GALT: variants seen among roughly 807,000 people sequenced by gnomAD.
GALT encodes galactose-1-phosphate uridylyltransferase.
Under a neutral mutation model 55.4 loss-of-function variants are expected in GALT, and 42 were observed. That is an observed-to-expected ratio of 0.76 (90% confidence interval 0.59 to 0.98). The LOEUF is 0.98. Among genes scored for constraint, GALT ranks in the 50% least tolerant of loss-of-function variants. GALT has a pLI of 0.00. For missense variants in GALT, 407 were observed against 495.7 expected (o/e 0.82, Z 1.70); for synonymous variants, 154 against 181.5 (o/e 0.85, Z 1.22).
chr9:34,649,686 A>G, intron 10 of GALT, 122 bp downstream of exon 10: 1 of 1,204,782 alleles, frequency 8.3e-7, no homozygotes, highest in South Asian at 1.3e-5. Flanking sequence ...TCTGGCAGGA[A>G]GGGACTGCCA....
In GALT at chr9:34,649,059, T is replaced by G; in HGVS notation, c.882T>G (p.Phe294Leu). The change falls in exon 9 of 11, where the codon TTT (phenylalanine) becomes TTG (leucine). Residue 294 changes from phenylalanine to leucine, a missense_variant. Coordinates refer to ENST00000378842, the MANE Select transcript of GALT (RefSeq NM_000155.4). ...TKYDNLFETS[F>L]PYSMGWHGAP... ...ATGACAACCTCTTTGAGACGTCCTT[T>G]CCCTACTCCATGGGCTGGCATGGTG... 5 of 1,614,150 alleles carry G rather than the reference T, an allele frequency of 3.1e-6. No homozygotes were observed. The highest frequency in any genetic ancestry group is 4.2e-6 in the Non-Finnish European group (5 of 1,179,998).
At chr9:34,649,163 A>G in intron 9 of GALT, 82 bp downstream of exon 9, 5 of 1,415,520 alleles carry the variant, frequency 3.5e-6, no homozygotes, top group Non-Finnish European at 4.0e-6. Context: ...TGCAACCTCA[A>G]AGGAGCAAGC....
In GALT at chr9:34,650,440, C is replaced by T. The variant is rs1821229735; in HGVS notation, c.1131C>T (p.Thr377=). The change falls in exon 11 of 11, where the codon ACC becomes ACT. Residue 377 remains threonine, a synonymous_variant. Coordinates refer to ENST00000378842, the MANE Select transcript of GALT (RefSeq NM_000155.4). ...HLGQKDRETA[T]IA is the part of the protein sequence containing the mutation. ...GGCAGAAGGACAGGGAGACAGCAAC[C>T]ATCGCCTGACCACGCCGACCACAGG... is the stretch of plus-strand genomic sequence containing the variant. 1.2e-6 allele frequency: 2 copies of T among 1,614,106 alleles called. No homozygotes were observed. The highest frequency in any genetic ancestry group is 8.5e-7 in the Non-Finnish European group (1 of 1,180,000).
In GALT at chr9:34,648,415, C is replaced by A; in HGVS notation, c.646C>A (p.Pro216Thr). 2 of 1,614,146 alleles carry A rather than the reference C, an allele frequency of 1.2e-6. No homozygotes were observed. Among genetic ancestry groups the A allele is most frequent in the South Asian group, 1.1e-5 (1 of 91,086 alleles). Reference sequence around the variant, plus strand: ...GGCCTATAAGAGTCAGCATGGAGAGCCCCTGCTAATGGAGTACAGCCGCCA... The same window carrying A: ...GGCCTATAAGAGTCAGCATGGAGAGACCCTGCTAATGGAGTACAGCCGCCA... ...QQAYKSQHGE[P>T]LLMEYSRQEL... Residue 216 changes from proline to threonine, a missense_variant, in exon 7 of 11, where the codon CCC becomes ACC. By Grantham distance (38) the Pro-to-Thr change is conservative. Coordinates refer to ENST00000378842, the MANE Select transcript of GALT (RefSeq NM_000155.4). The surrounding 1 kb of genome is among the most constrained non-coding windows in gnomAD (Gnocchi z 4.9).
chr9:34,648,115 A>C lies in GALT; in HGVS notation c.508A>C (p.Ile170Leu). ...AGAGCTCCGTATCCCTATCTGATAG[A>C]TCTTTGAAAACAAAGGTGCCATGAT... ...ELGAQYPWVQ[I>L]FENKGAMMGC... The change falls in exon 6 of 11, where the codon ATC (isoleucine) becomes CTC (leucine). Residue 170 changes from isoleucine to leucine, a missense_variant and splice_region_variant. Ile to Leu is a conservative substitution (Grantham distance 5, BLOSUM62 2). Coordinates refer to ENST00000378842, the MANE Select transcript of GALT (RefSeq NM_000155.4). The surrounding 1 kb of genome is among the most constrained non-coding windows in gnomAD (Gnocchi z 4.9). 2 of 1,614,170 alleles carry C rather than the reference A, an allele frequency of 1.2e-6. No individual in the cohort carries two copies. Among genetic ancestry groups the C allele is most frequent in the Non-Finnish European group, 1.7e-6 (2 of 1,180,020 alleles).
At chr9:34,649,586 G>C (rs1301753997) in intron 10 of GALT, 22 bp downstream of exon 10, 1 of 1,613,990 alleles carries the variant, frequency 6.2e-7, no homozygotes, top group Admixed American at 1.7e-5. Context: ...GAACAGTCTG[G>C]CGTCTCCAGA....
chr9:34,647,819 C>T lies in GALT; in HGVS notation c.378-13C>T, dbSNP rs374088670. On this transcript the variant is annotated splice_polypyrimidine_tract_variant and intron_variant, in intron 4 of 10. Coordinates refer to ENST00000378842, the MANE Select transcript of GALT (RefSeq NM_000155.4). This position sits in a 1 kb window ranked among gnomAD's most constrained non-coding sequence, Gnocchi z 5.6. ...CCTACCTCTCGGTTATCTTTTCTCC[C>T]GTCACCACCCAGTAAGGTCATGTGC... 237 of 1,614,094 alleles carry T rather than the reference C, an allele frequency of 1.5e-4. 1 individual carries two copies. Among genetic ancestry groups the T allele is most frequent in the Non-Finnish European group, 1.8e-4 (218 of 1,180,056 alleles).
Position 34,648,492 on chromosome 9 carries a change from C to G in GALT, c.687+36C>G. 2 of 1,613,916 alleles carry G rather than the reference C, an allele frequency of 1.2e-6. No individual in the cohort carries two copies. Among genetic ancestry groups the G allele is most frequent in the South Asian group, 2.2e-5 (2 of 91,050 alleles). On this transcript the variant is annotated intron_variant, in intron 7 of 10. Coordinates refer to ENST00000378842, the MANE Select transcript of GALT (RefSeq NM_000155.4). This position sits in a 1 kb window ranked among gnomAD's most constrained non-coding sequence, Gnocchi z 4.9. ...GCCAAGCCCTGTGTCCCCAAGGAGT[C>G]CCTAACTTTCTTATCCCATGAGAGA... is the stretch of plus-strand genomic sequence containing the variant.
Position 34,646,804 on chromosome 9 carries a change from G to A in GALT, c.82+18G>A, listed in dbSNP as rs767947929. ...GGCAAACGGTAACTGCACCGCGGCA[G>A]GGACTCGCTGGGGCGCGGAGCCGAG... On this transcript the variant is annotated intron_variant, in intron 1 of 10. Transcript: ENST00000378842. 2.5e-6 allele frequency: 4 copies of A among 1,613,066 alleles called. No individual in the cohort carries two copies. The highest frequency in any genetic ancestry group is 3.4e-6 in the Non-Finnish European group (4 of 1,179,870).
At chr9:34,649,800 A>G in intron 10 of GALT, 1 of 536,000 alleles carries the variant, frequency 1.9e-6, no homozygotes, top group Non-Finnish European at 3.4e-6. Flanking sequence ...ATAGTTTCCC[A>G]TAACAACCTG....
At position 34,648,420 on chromosome 9, in the gene GALT, GC is replaced by G. The variant is rs111033742; in HGVS notation, c.652del (p.Leu218Ter). 1.2e-6 allele frequency: 2 copies of G among 1,614,182 alleles called. No individual in the cohort carries two copies. Among genetic ancestry groups the G allele is most frequent in the Non-Finnish European group, 1.7e-6 (2 of 1,180,026 alleles). ...ATAAGAGTCAGCATGGAGAGCCCCT[GC>G]TAATGGAGTACAGCCGCCAGGAGCT... Reference protein sequence around the residue: ...AYKSQHGEPLLMEYSRQELLR... With the variant: ...AYKSQHGEPLXMEYSRQELLR... On this transcript the variant is annotated frameshift_variant, in exon 7 of 11. Transcript: ENST00000378842. LOFTEE classifies it high-confidence loss of function. The surrounding 1 kb of genome is among the most constrained non-coding windows in gnomAD (Gnocchi z 4.9).
chr9:34,646,785 C>T lies in GALT; in HGVS notation c.81C>T (p.Asn27=). The change falls in exon 1 of 11, where the codon AAC becomes AAT. Residue 27 remains asparagine (N), a splice_region_variant and synonymous_variant. Coordinates refer to ENST00000378842, the MANE Select transcript of GALT (RefSeq NM_000155.4). ...CCGCAGCAGCAACCTTCCGGGCAAACGGTAACTGCACCGCGGCAGGGACTC... is the reference window on the plus strand; with the variant it reads ...CCGCAGCAGCAACCTTCCGGGCAAATGGTAACTGCACCGCGGCAGGGACTC... ...ADAAAATFRA[N]DHQHIRYNPL... 6.2e-7 allele frequency: 1 copy of T among 1,613,524 alleles called. No homozygotes were observed.
At position 34,650,540 on chromosome 9, in the gene GALT, T is replaced by G; in HGVS notation, c.*91T>G. 8.7e-7 allele frequency: 1 copy of G among 1,147,784 alleles called. No individual in the cohort carries two copies. The highest frequency in any genetic ancestry group is 1.2e-5 in the South Asian group (1 of 80,302). The allele number at this position is 1,147,784 out of a possible 1,614,324, so 71.1% of individuals were successfully genotyped here. ...GGGCCTTGAATCCTGGCCTGGAATT[T>G]GGGCAGATATAGCATTAATAAAACT... On this transcript the variant is annotated 3_prime_UTR_variant, in exon 11 of 11. Transcript: ENST00000378842.
Position 34,647,468 on chromosome 9 carries a change from C to T in GALT, c.253-24C>T, listed in dbSNP as rs375512552. On this transcript the variant is annotated intron_variant, in intron 2 of 10. Coordinates refer to ENST00000378842, the MANE Select transcript of GALT (RefSeq NM_000155.4). This position sits in a 1 kb window ranked among gnomAD's most constrained non-coding sequence, Gnocchi z 5.6. ...AACTGGTGGTATGGGGCAGTGAGTGCTTCTAGCCTATCCTTGTCGGTAGGT... is the reference window on the plus strand; with the variant it reads ...AACTGGTGGTATGGGGCAGTGAGTGTTTCTAGCCTATCCTTGTCGGTAGGT... 1 of 1,613,098 alleles carries T rather than the reference C, an allele frequency of 6.2e-7. No homozygotes were observed. Among genetic ancestry groups the T allele is most frequent in the Non-Finnish European group, 8.5e-7 (1 of 1,179,228 alleles).
chr9:34,649,227 TG>T, intron 9 of GALT, 146 bp downstream of exon 9: 1 of 1,180,740 alleles, frequency 8.5e-7, no homozygotes, highest in Non-Finnish European at 1.3e-6. Flanking sequence ...GGACTGAGGG[TG>T]GAGCAGCAAA....
chr9:34,649,107 T>C, intron 9 of GALT, 26 bp downstream of exon 9: 1 of 1,600,678 alleles, frequency 6.2e-7, no homozygotes, highest in Non-Finnish European at 8.6e-7. Context: ...TACCTATATT[T>C]AGCCCCAACA....
In GALT at chr9:34,648,031, C is replaced by T; in HGVS notation, c.507+70C>T. The T allele has an allele frequency of 6.2e-7, 1 of 1,614,176 alleles. No homozygotes were observed. Among genetic ancestry groups the T allele is most frequent in the Non-Finnish European group, 8.5e-7 (1 of 1,180,034 alleles). On this transcript the variant is annotated intron_variant, in intron 5 of 10. Coordinates refer to ENST00000378842, the MANE Select transcript of GALT (RefSeq NM_000155.4). This position sits in a 1 kb window ranked among gnomAD's most constrained non-coding sequence, Gnocchi z 4.9. ...ATGAAGCTTTGGTTCTGGGGAGTAA[C>T]ATTTCTGTTTCCACAGGGTGTGGTC...
Position 34,648,299 on chromosome 9 carries a change from C to T in GALT, c.565-35C>T, listed in dbSNP as rs749283916. On this transcript the variant is annotated intron_variant, in intron 6 of 10. Coordinates refer to ENST00000378842, the MANE Select transcript of GALT (RefSeq NM_000155.4). The surrounding 1 kb of genome is among the most constrained non-coding windows in gnomAD (Gnocchi z 4.9). Reference sequence around the variant, plus strand: ...GATGTGGAGGCTTGGAGGTAAAGGACCTGCCTGTTCTTCTCTGCTTTTGCC... The same window carrying T: ...GATGTGGAGGCTTGGAGGTAAAGGATCTGCCTGTTCTTCTCTGCTTTTGCC... 1.9e-6 allele frequency: 3 copies of T among 1,613,802 alleles called. No individual in the cohort carries two copies. The South Asian group carries it at 3.3e-5, about 18-fold the overall frequency.
At chr9:34,649,116 C>T in intron 9 of GALT, 35 bp downstream of exon 9, 4 of 1,588,778 alleles carry the variant, frequency 2.5e-6, no homozygotes, top group Non-Finnish European at 3.5e-6. Flanking sequence ...TTAGCCCCAA[C>T]ACCATTTCTG....
Sources: gnomAD v4.1 joint callset for allele counts on GRCh38, gnomAD v4.1.1 for gene constraint, Gnocchi (gnomAD v3.1) non-coding constraint, MANE v1.5 for transcripts, NCBI Gene and HGNC (gene_info 2026-07-23, HGNC 2026-07-21) for gene names.